KPNA7: variants seen among roughly 807,000 people sequenced by gnomAD.
KPNA7 encodes importin subunit alpha-8.
Under a neutral mutation model 53.7 loss-of-function variants are expected in KPNA7, and 54 were observed. The ratio of observed to expected loss-of-function variants is 1.01; its 90% CI spans 0.81 to 1.26. The LOEUF is 1.26. KPNA7 is among the 50% of genes most tolerant of loss of function. The pLI is 0.00. For synonymous variants in KPNA7, 276 were observed against 259.3 expected, an observed-to-expected ratio of 1.06 and a Z score of -0.62; for missense variants, 640 against 644.5, an observed-to-expected ratio of 0.99 and a Z score of 0.07.
intron 1 of KPNA7, among the ~76,000 whole-genome samples, chr7:99,217,584 G>A (rs1433486117): frequency 6.7e-6 from 1 of 149,452 alleles, no homozygotes; most frequent in Non-Finnish European, 1.5e-5. Context: ...CAGCCAGGGA[G>A]GAGAAAAGGC....
At chr7:99,181,047 CTCTCT>C (rs1799220445) in intron 9 of KPNA7, among the ~76,000 whole-genome samples, 2 of 119,204 alleles carry the variant, frequency 1.7e-5, no homozygotes, top group African/African-American at 8.4e-5. Context: ...GTCTCTCTCT[CTCTCT>C]CCGTCTGTGT....
chr7:99,157,723 C>A, the KPNA7 span, among the ~76,000 whole-genome samples: 152,172 of 152,366 alleles, frequency 1, 75,990 homozygotes, highest in Non-Finnish European at 1. Context: ...CAGGTAAGAA[C>A]GCAAGCCATT....
upstream of KPNA7, among the ~76,000 whole-genome samples, chr7:99,209,702 AAAAAAAAAG>A (rs1791004015): frequency 6.8e-6 from 1 of 147,266 alleles, no homozygotes; most frequent in African/African-American, 2.5e-5. Flanking sequence ...AAAAAAAAAA[AAAAAAAAAG>A]AAAAAAATCT....
the KPNA7 span, among the ~76,000 whole-genome samples, chr7:99,156,614 T>C: frequency 6.6e-6 from 1 of 152,138 alleles, no homozygotes. Flanking sequence ...AACCTCCGCC[T>C]CCCAGGTTCA....
At chr7:99,160,011 GTTT>G in the KPNA7 span, among the ~76,000 whole-genome samples, 1 of 83,212 alleles carries the variant, frequency 1.2e-5, no homozygotes, top group Non-Finnish European at 2.2e-5. Context: ...CTCCTCTGTT[GTTT>G]TTGTTTTTTT....
intron 7 of KPNA7, among the ~76,000 whole-genome samples, chr7:99,185,807 T>TG (rs71108425): frequency 6.6e-6 from 1 of 151,732 alleles, no homozygotes; most frequent in East Asian, 1.9e-4. Flanking sequence ...TTTGTTTGTT[T>TG]TTTGAGACAA....
At chr7:99,166,898 G>T in the KPNA7 span, among the ~76,000 whole-genome samples, 1 of 152,112 alleles carries the variant, frequency 6.6e-6, no homozygotes, top group African/African-American at 2.4e-5. Context: ...GATTACAGGC[G>T]TAAGCCACCA....
At chr7:99,199,081 A>AAAAAAAAAG (rs1790378835) in intron 3 of KPNA7, among the ~76,000 whole-genome samples, 1 of 150,568 alleles carries the variant, frequency 6.6e-6, no homozygotes, top group East Asian at 1.9e-4. Context: ...AAAAAAAAAA[A>AAAAAAAAAG]AAAAAAAGGA....
the KPNA7 span, among the ~76,000 whole-genome samples, chr7:99,167,119 C>T: frequency 6.6e-6 from 1 of 152,244 alleles, no homozygotes; most frequent in Non-Finnish European, 1.5e-5. Context: ...GCCTCTCATA[C>T]CCCAACTCCA....
At chr7:99,157,439 C>A in the KPNA7 span, among the ~76,000 whole-genome samples, 9 of 152,186 alleles carry the variant, frequency 5.9e-5, no homozygotes, top group Admixed American at 1.3e-4. Flanking sequence ...GAACTCCCAA[C>A]CTCAGGTGAT....
chr7:99,199,065 GA>G (rs67877761), intron 3 of KPNA7, among the ~76,000 whole-genome samples: 1,816 of 61,018 alleles, frequency 0.03, 7 homozygotes, highest in Non-Finnish European at 0.038. Context: ...GCTGCAAACT[GA>G]AAAAAAAAAA....
chr7:99,151,979 T>C, the KPNA7 span, among the ~76,000 whole-genome samples: 1 of 151,718 alleles, frequency 6.6e-6, no homozygotes, highest in Non-Finnish European at 1.5e-5. Context: ...GGTCAGGAGA[T>C]TGAGATCATC....
chr7:99,203,200 C>T lies in KPNA7; in HGVS notation c.107G>A (p.Arg36Gln), dbSNP rs373333727. ...QQRMAVSLEL[R>Q]KAKKDEQTLK... ...GGTCTGTTCATCTTTCTTGGCCTTT[C>T]GGAGCTCCAGACTGACCGCCATCCT... Residue 36 changes from arginine to glutamine, a missense_variant, in exon 3 of 11, where the codon CGA becomes CAA. Transcript: ENST00000327442. The T allele has an allele frequency of 9.3e-5, 145 of 1,551,524 alleles. 1 individual carries two copies. Among genetic ancestry groups the T allele is most frequent in the Non-Finnish European group, 1.1e-4 (129 of 1,146,952 alleles).
chr7:99,211,957 T>A (rs978077804), upstream of KPNA7, among the ~76,000 whole-genome samples: 1 of 152,154 alleles, frequency 6.6e-6, no homozygotes, highest in African/African-American at 2.4e-5. Flanking sequence ...TCAATCATTG[T>A]GAGTCATGTT....
intron 6 of KPNA7, among the ~76,000 whole-genome samples, chr7:99,191,179 G>A (rs1418212322): frequency 7.1e-6 from 1 of 140,466 alleles, no homozygotes; most frequent in African/African-American, 2.7e-5. Context: ...TTTTTTTTGA[G>A]ATGGAGTCTT....
intron 1 of KPNA7, 42 bp from the exon 2 acceptor site, chr7:99,207,531 G>T (rs1255640612): frequency 1.4e-5 from 14 of 973,776 alleles, no homozygotes; most frequent in Non-Finnish European, 1.8e-5. Flanking sequence ...AGTGCCCATT[G>T]TGTGGGTTAT....
Position 99,216,628 on chromosome 7 carries a change from C to T in KPNA7, c.-23-9139G>A, listed in dbSNP as rs541414583. ...CCAGGCTAGAATGCAGTGGCGTGAT[C>T]TCAGCTCACTGCAACCTCCACCTTC... is the stretch of plus-strand genomic sequence containing the variant. On this transcript the variant is annotated intron_variant, in intron 1 of 10. Coordinates refer to the KPNA7 transcript ENST00000681060. 2.5e-4 allele frequency among the ~76,000 whole-genome samples: 38 copies of T among 152,254 alleles called. No homozygotes were observed. The South Asian group carries it at 7.9e-3, about 31-fold the overall frequency.
rs543570680 is a variant in KPNA7 at position 99,208,044 on chromosome 7, C to G, written c.-40G>C. ...GGGCTCAACCTGGCAGCAAGAACAA[C>G]AGTCTGGACTTCTCAGCTCCATGTC... On this transcript the variant is annotated 5_prime_UTR_variant, in exon 1 of 11. Transcript: ENST00000327442. Among the ~76,000 whole-genome samples, 1 of 152,126 alleles carries G rather than the reference C, an allele frequency of 6.6e-6. No homozygotes were observed. Among genetic ancestry groups the G allele is most frequent in the Non-Finnish European group, 1.5e-5 (1 of 68,030 alleles).
the KPNA7 span, among the ~76,000 whole-genome samples, chr7:99,160,166 A>G: frequency 6.6e-6 from 1 of 151,528 alleles, no homozygotes; most frequent in East Asian, 1.9e-4. Flanking sequence ...CTGGGACTAC[A>G]GGTGCCCGCC....
Sources: allele counts gnomAD v4.1 joint callset (sites outside exome capture counted in the v4.1 genomes callset), GRCh38; gene constraint gnomAD v4.1.1; transcripts MANE v1.5; gene names NCBI Gene and HGNC (gene_info 2026-07-23, HGNC 2026-07-21).